The following PPL variants were observed in gnomAD, a reference collection of about 807,000 sequenced individuals.
The protein encoded by PPL is periplakin.
In PPL, 198 loss-of-function variants were observed where a neutral mutation model predicts 194.4. The observed-to-expected ratio is 1.02, with a 90% CI of 0.91 to 1.15. PPL has a LOEUF of 1.15. Among genes scored for constraint, PPL ranks in the 50% most tolerant of loss-of-function variants. The pLI is 0.00. For missense variants in PPL, 2,885 were observed against 2,294.8 expected (o/e 1.26, Z -5.25); for synonymous variants, 1,220 against 972.4 (o/e 1.25, Z -4.74).
At position 4,890,870 on chromosome 16, in the gene PPL, G is replaced by A; in HGVS notation, c.2020C>T (p.Gln674Ter). 6.4e-7 allele frequency: 1 copy of A among 1,551,478 alleles called. No individual in the cohort carries two copies. Reference sequence around the variant, plus strand: ...CACTGCTTGGCCGCCTGCAAGTTCTGCTCCACCTCACCCAGGAGGGACTTC... The same window carrying A: ...CACTGCTTGGCCGCCTGCAAGTTCTACTCCACCTCACCCAGGAGGGACTTC... ...AQKSLLGEVEQNLQAAKQCSS... is the reference protein window; with the variant it reads ...AQKSLLGEVE The change falls in exon 17 of 22, where the codon CAG (glutamine) becomes TAG (stop). Residue 674 changes from glutamine (Q) to a stop codon, truncating the protein, a stop_gained. Coordinates refer to ENST00000345988, the MANE Select transcript of PPL (RefSeq NM_002705.5). LOFTEE classifies it high-confidence loss of function.
Position 4,900,847 on chromosome 16 carries a change from T to G in PPL, c.589A>C (p.Lys197Gln), listed in dbSNP as rs375869032. 2.5e-6 allele frequency: 4 copies of G among 1,614,122 alleles called. No homozygotes were observed. The highest frequency in any genetic ancestry group is 2.7e-5 in the African/African-American group (2 of 75,040). The change falls in exon 6 of 22, where the codon AAG becomes CAG. Residue 197 changes from lysine (K) to glutamine (Q), a missense_variant. Physicochemically the swap from Lys to Gln is moderately conservative, Grantham distance 53. Transcript: ENST00000345988. ...CTCCTCACCAGCAGTTTCTGGTACTTGGCCCGGAGTTCGCTGTTCTGCTCC... is the reference window on the plus strand; with the variant it reads ...CTCCTCACCAGCAGTTTCTGGTACTGGGCCCGGAGTTCGCTGTTCTGCTCC... The part of the protein sequence containing the change: ...DKEQNSELRA[K>Q]YQKLLAASQA...
chr16:4,904,081 A>C (rs1307512640), intron 2 of PPL, 41 bp from the exon 3 acceptor site: 2 of 1,589,814 alleles, frequency 1.3e-6, no homozygotes, highest in Non-Finnish European at 1.7e-6. Flanking sequence ...ACAGGAGCCG[A>C]GAGCGGGCAC....
intron 1 of PPL, among the ~76,000 whole-genome samples, chr16:4,934,753 A>C (rs920371402): frequency 4.6e-5 from 7 of 151,986 alleles, no homozygotes; most frequent in African/African-American, 1.7e-4. Flanking sequence ...CCACCCCCCC[A>C]CCAAGACACT....
chr16:4,932,578 T>G (rs1181430782), intron 1 of PPL, among the ~76,000 whole-genome samples: 1 of 151,998 alleles, frequency 6.6e-6, no homozygotes, highest in Non-Finnish European at 1.5e-5. Flanking sequence ...CACACCCAGC[T>G]AATTTTTAAT....
Position 4,897,708 on chromosome 16 carries a change from C to G in PPL, c.939G>C (p.Glu313Asp), listed in dbSNP as rs2088460785. Reference protein sequence around the residue: ...KEYLNLLICEESHLKYMEDYH... With the variant: ...KEYLNLLICEDSHLKYMEDYH... ...AGTCCTCCATGTACTTGAGGTGGCTCTCCTCGCAGATGAGCAGGTTCAGGT... is the reference window on the plus strand; with the variant it reads ...AGTCCTCCATGTACTTGAGGTGGCTGTCCTCGCAGATGAGCAGGTTCAGGT... The change falls in exon 9 of 22, where the codon GAG becomes GAC. Residue 313 changes from glutamate (E) to aspartate (D), a missense_variant. Glu to Asp is a conservative substitution (Grantham distance 45). Transcript: ENST00000345988. 6.2e-7 allele frequency: 1 copy of G among 1,613,822 alleles called. No homozygotes were observed. The highest frequency in any genetic ancestry group is 1.1e-5 in the South Asian group (1 of 91,074).
chr16:4,893,198 C>G lies in PPL; in HGVS notation c.1650+15G>C. 2.6e-6 allele frequency: 4 copies of G among 1,535,574 alleles called. No individual in the cohort carries two copies. Among genetic ancestry groups the G allele is most frequent in the South Asian group, 1.2e-5 (1 of 84,876 alleles). ...GGCTCCCCCGGCCCCACCTGTGCTC[C>G]TGACCCGCAGGTACCTTGAGGTCCT... On this transcript the variant is annotated intron_variant, in intron 14 of 21. Coordinates refer to ENST00000345988, the MANE Select transcript of PPL (RefSeq NM_002705.5).
intron 17 of PPL, 30 bp from the exon 18 acceptor site, chr16:4,890,364 C>A: frequency 6.4e-7 from 1 of 1,564,784 alleles, no homozygotes. Context: ...AGGCCTCAGC[C>A]ACAGCAAACA....
At chr16:4,915,815 C>G (rs539629255) in intron 1 of PPL, among the ~76,000 whole-genome samples, 1 of 152,140 alleles carries the variant, frequency 6.6e-6, no homozygotes, top group South Asian at 2.1e-4. Context: ...TTATTATCCC[C>G]GTTTATGGGT....
intron 1 of PPL, among the ~76,000 whole-genome samples, chr16:4,930,326 C>T (rs775891543): frequency 9.2e-5 from 14 of 152,286 alleles, no homozygotes; most frequent in South Asian, 8.3e-4. Context: ...CTCTGCTCAC[C>T]GTCCTGCACG....
At chr16:4,890,425 T>C in intron 17 of PPL, 91 bp from the exon 18 acceptor site, 1 of 1,418,974 alleles carries the variant, frequency 7.0e-7, no homozygotes, top group South Asian at 1.5e-5. Flanking sequence ...AACAACCAAA[T>C]GTAACAACCA....
intron 8 of PPL, among the ~76,000 whole-genome samples, chr16:4,898,180 C>T (rs2088472014): frequency 6.6e-6 from 1 of 152,212 alleles, no homozygotes; most frequent in Non-Finnish European, 1.5e-5. Flanking sequence ...GAGTTTGAGA[C>T]TAGCCTGGCC....
intron 18 of PPL, among the ~76,000 whole-genome samples, chr16:4,889,770 G>A (rs2088285289): frequency 6.6e-6 from 1 of 152,192 alleles, no homozygotes; most frequent in South Asian, 2.1e-4. Flanking sequence ...GGCTGATGGG[G>A]TGGACCCGGG....
chr16:4,888,586 T>C (rs2088256386), intron 19 of PPL: 1 of 305,090 alleles, frequency 3.3e-6, no homozygotes, highest in African/African-American at 2.1e-5. Flanking sequence ...TTGCTGACTT[T>C]ATAATCCATC....
intron 19 of PPL, chr16:4,888,639 G>T (rs2088257168): frequency 5.7e-6 from 2 of 349,332 alleles, no homozygotes; most frequent in Non-Finnish European, 1.0e-5. Flanking sequence ...CCTTCCACTG[G>T]ACACCAGTCC....
chr16:4,893,616 C>A lies in PPL; in HGVS notation c.1417G>T (p.Val473Leu), dbSNP rs202175086. The A allele has an allele frequency of 1.2e-6, 2 of 1,602,114 alleles. No homozygotes were observed. Among genetic ancestry groups the A allele is most frequent in the East Asian group, 2.3e-5 (1 of 44,222 alleles). Residue 473 changes from valine (V) to leucine (L), a missense_variant, in exon 13 of 22, where the codon GTG (valine) becomes TTG (leucine). Coordinates refer to ENST00000345988, the MANE Select transcript of PPL (RefSeq NM_002705.5). Reference sequence around the variant, plus strand: ...TTGCTCCCAGCTGCCTTCTGCCGCACGCTCCGGTACTGGCTGCCCAGGCTG... The same window carrying A: ...TTGCTCCCAGCTGCCTTCTGCCGCAAGCTCCGGTACTGGCTGCCCAGGCTG... ...ADSLGSQYRS[V>L]RQKAAGSKRT...
At chr16:4,934,097 C>A (rs1002659646) in intron 1 of PPL, among the ~76,000 whole-genome samples, 2 of 152,216 alleles carry the variant, frequency 1.3e-5, no homozygotes, top group African/African-American at 4.8e-5. Context: ...AGCGGGTCTC[C>A]TCCAGGGCCT....
intron 1 of PPL, among the ~76,000 whole-genome samples, chr16:4,917,685 G>C (rs1005703609): frequency 2.0e-5 from 3 of 152,148 alleles, no homozygotes; most frequent in African/African-American, 7.2e-5. Context: ...CAGATCGCTT[G>C]AGACCAGGAG....
chr16:4,888,295 G>T, intron 19 of PPL, 77 bp from the exon 20 acceptor site: 1 of 1,046,598 alleles, frequency 9.6e-7, no homozygotes. Flanking sequence ...TACCCCTTCA[G>T]GCTGACCCAG....
rs763746110 is a variant in PPL at position 4,900,971 on chromosome 16, C to G, written c.557G>C (p.Gly186Ala). Residue 186 changes from glycine (G) to alanine (A), a missense_variant, in exon 5 of 22, where the codon GGG (glycine) becomes GCG (alanine). Transcript: ENST00000345988. ...KAIGPHLAKD[G>A]DKEQNSELRA... The stretch of plus-strand genomic sequence containing the variant: ...CACCAGCACACGCCCCACCTTGTCC[C>G]CGTCCTTGGCCAGGTGGGGCCCGAT... The G allele has an allele frequency of 8.1e-6, 13 of 1,614,040 alleles. No individual in the cohort carries two copies. The highest frequency in any genetic ancestry group is 2.7e-5 in the African/African-American group (2 of 74,936).
Sources: gnomAD v4.1 joint callset for allele counts (sites outside exome capture counted in the v4.1 genomes callset) on GRCh38, gnomAD v4.1.1 for gene constraint, MANE v1.5 for transcripts, NCBI Gene and HGNC (gene_info 2026-07-23, HGNC 2026-07-21) for gene names.